The following PRKAR1A variants were observed in gnomAD, a reference collection of about 807,000 sequenced individuals.
The protein encoded by PRKAR1A is cAMP-dependent protein kinase type I-alpha regulatory subunit.
PRKAR1A carries 3 observed loss-of-function variants against 52.0 expected under a neutral mutation model. The ratio of observed to expected loss-of-function variants is 0.06; its 90% confidence interval spans 0.03 to 0.15. PRKAR1A has a LOEUF of 0.15. Ranked by LOEUF, PRKAR1A falls within the 10% of genes least tolerant of loss-of-function variation. PRKAR1A has a pLI of 1.00. For synonymous variants in PRKAR1A, 188 were observed against 168.4 expected (o/e 1.12, Z -0.90); for missense variants, 240 against 477.4 (o/e 0.50, Z 4.63).
chr17:68,530,636 C>T lies in PRKAR1A; in HGVS notation c.*187C>T, dbSNP rs2085949436. The stretch of plus-strand genomic sequence containing the variant: ...GGAGCATTAACTAAATGCTCATACA[C>T]AGTTAAATAAATAGAAAGAGTTCTA... On this transcript the variant is annotated 3_prime_UTR_variant, in exon 11 of 11. Coordinates refer to ENST00000589228, the MANE Select transcript of PRKAR1A (RefSeq NM_002734.5). 6.7e-7 allele frequency: 1 copy of T among 1,498,438 alleles called. No individual in the cohort carries two copies. Among genetic ancestry groups the T allele is most frequent in the Non-Finnish European group, 8.9e-7 (1 of 1,126,850 alleles). The allele number at this position is 1,498,438 out of a possible 1,614,324, so 92.8% of individuals were successfully genotyped here.
At chr17:68,466,293 A>C in the PRKAR1A span, among the ~76,000 whole-genome samples, 2 of 151,536 alleles carry the variant, frequency 1.3e-5, no homozygotes, top group Non-Finnish European at 2.9e-5. Context: ...GGCCCTTGTG[A>C]TTGATGCCTA....
chr17:68,538,063 AAGG>A (rs2086147053), downstream of PRKAR1A, among the ~76,000 whole-genome samples: 1 of 152,222 alleles, frequency 6.6e-6, no homozygotes, highest in African/African-American at 2.4e-5. Flanking sequence ...AGGATTTTTC[AAGG>A]AGATTTAAAG....
Position 68,532,744 on chromosome 17 carries a change from A to G in PRKAR1A, c.*2295A>G, listed in dbSNP as rs2086011250. On this transcript the variant is annotated 3_prime_UTR_variant, in exon 11 of 11. Coordinates refer to ENST00000589228, the MANE Select transcript of PRKAR1A (RefSeq NM_002734.5). The stretch of plus-strand genomic sequence containing the variant: ...CTTAATGGTAGGTCAAGTAATAAAA[A>G]GAGATGAAATAATTTAAATTCTTAA... The G allele has an allele frequency of 9.4e-7, 1 of 1,066,080 alleles. No individual in the cohort carries two copies. Among genetic ancestry groups the G allele is most frequent in the Non-Finnish European group, 1.1e-6 (1 of 879,514 alleles). 66.0% of individuals were successfully genotyped at this position (1,066,080 alleles called of 1,614,324 possible). A position where few individuals can be genotyped will look rare whatever the true frequency, so the allele number is the denominator to read the frequency against.
At chr17:68,495,929 C>T in the PRKAR1A span, among the ~76,000 whole-genome samples, 2 of 141,486 alleles carry the variant, frequency 1.4e-5, no homozygotes, top group East Asian at 2.1e-4. Context: ...TCCCTCTCTG[C>T]GTTTCCTTTC....
At chr17:68,428,228 G>A in the PRKAR1A span, 1 of 135,968 alleles carries the variant, frequency 7.4e-6, no homozygotes, top group African/African-American at 2.7e-5. Flanking sequence ...CAGGGAATAG[G>A]TTTTTTTTTT....
chr17:68,465,625 A>ATTTTTTTTTTTTTTT, the PRKAR1A span, among the ~76,000 whole-genome samples: 570 of 67,160 alleles, frequency 8.5e-3, 65 homozygotes, highest in Non-Finnish European at 0.011. Context: ...ACGCCCAGCA[A>ATTTTTTTTTTTTTTT]TTTTTTTTTT....
intron 2 of PRKAR1A, among the ~76,000 whole-genome samples, chr17:68,516,798 TG>T (rs1295622430): frequency 1.3e-5 from 2 of 152,180 alleles, no homozygotes; most frequent in Non-Finnish European, 2.9e-5. Context: ...GTAGATATTC[TG>T]GCTTTCTCTT....
chr17:68,515,473 A>G lies in PRKAR1A; in HGVS notation c.74A>G (p.His25Arg). The change falls in exon 2 of 11, where the codon CAT (histidine) becomes CGT (arginine). Residue 25 changes from histidine (H) to arginine (R), a missense_variant. Around this residue, in one of 4 missense-constraint regions of PRKAR1A, gnomAD observed 107 missense variants for 114.6 expected, o/e 0.93. Coordinates refer to ENST00000589228, the MANE Select transcript of PRKAR1A (RefSeq NM_002734.5). Reference protein sequence around the residue: ...LRECELYVQKHNIQALLKDSI... With the variant: ...LRECELYVQKRNIQALLKDSI... ...GAATGTGAGCTCTACGTCCAGAAGC[A>G]TAACATTCAAGCGCTGCTCAAAGAT... 1 of 1,613,718 alleles carries G rather than the reference A, an allele frequency of 6.2e-7. No individual in the cohort carries two copies. Among genetic ancestry groups the G allele is most frequent in the Non-Finnish European group, 8.5e-7 (1 of 1,180,048 alleles).
In PRKAR1A at chr17:68,512,550, TGAGTGGGGTCGGCCGGGGGCTCAGGC is replaced by T. The variant is rs1161571185; in HGVS notation, c.-7+6_-7+31del. ...GCGCCCGCCGCCGCCCGTCCCCAGG[TGAGTGGGGTCGGCCGGGGGCTCAGGC>T]GAGGTGAGCTTCGTCGCTTCGCAGC... On this transcript the variant is annotated splice_donor_5th_base_variant and intron_variant, in intron 1 of 10. Coordinates refer to ENST00000589228, the MANE Select transcript of PRKAR1A (RefSeq NM_002734.5). The T allele has an allele frequency of 2.6e-5, 4 of 153,738 alleles. No individual in the cohort carries two copies. The highest frequency in any genetic ancestry group is 9.7e-5 in the African/African-American group (4 of 41,398). 9.5% of individuals were successfully genotyped at this position (153,738 alleles called of 1,614,324 possible).
the PRKAR1A span, among the ~76,000 whole-genome samples, chr17:68,481,186 T>A: frequency 2.6e-5 from 4 of 152,212 alleles, no homozygotes; most frequent in Non-Finnish European, 4.4e-5. Flanking sequence ...AAAGCTTAGT[T>A]ACGCATTAAA....
downstream of PRKAR1A, chr17:68,535,099 A>G (rs2086064523): frequency 2.8e-6 from 1 of 362,048 alleles, no homozygotes; most frequent in African/African-American, 2.1e-5. Flanking sequence ...TGCTGTCAGT[A>G]GTAACTTGAA....
At chr17:68,487,172 T>A in the PRKAR1A span, among the ~76,000 whole-genome samples, 1 of 152,096 alleles carries the variant, frequency 6.6e-6, no homozygotes, top group African/African-American at 2.4e-5. Flanking sequence ...GCGCCCGGCC[T>A]GTTATGTGAA....
the PRKAR1A span, among the ~76,000 whole-genome samples, chr17:68,457,959 C>T: frequency 2.6e-5 from 4 of 152,122 alleles, no homozygotes; most frequent in African/African-American, 9.7e-5. Context: ...TCGGGGCCGC[C>T]GCAAGGGTGA....
At chr17:68,420,296 GGTGGTGCGGAGTACCAGGCT>G in the PRKAR1A span, 1 of 1,614,132 alleles carries the variant, frequency 6.2e-7, no homozygotes, top group Non-Finnish European at 8.5e-7. Flanking sequence ...CCTAGAAAGA[GGTGGTGCGGAGTACCAGGCT>G]GTGCTGCCCG....
the PRKAR1A span, among the ~76,000 whole-genome samples, chr17:68,502,755 GAAAAA>G: frequency 4.4e-4 from 38 of 86,292 alleles, no homozygotes; most frequent in East Asian, 7.8e-4. Flanking sequence ...TTCATCTCAG[GAAAAA>G]AAAAAAAAAA....
At chr17:68,467,499 T>C in the PRKAR1A span, among the ~76,000 whole-genome samples, 1 of 152,214 alleles carries the variant, frequency 6.6e-6, no homozygotes, top group Non-Finnish European at 1.5e-5. Flanking sequence ...ACTAAAGTTT[T>C]ATGAGATGCC....
At chr17:68,509,505 T>G (rs1356582118), upstream of PRKAR1A, among the ~76,000 whole-genome samples, 2 of 152,196 alleles carry the variant, frequency 1.3e-5, no homozygotes, top group Admixed American at 6.5e-5. Flanking sequence ...GAAACATATT[T>G]TTAAACTGAG....
downstream of PRKAR1A, chr17:68,536,785 T>C: frequency 8.8e-6 from 4 of 454,122 alleles, no homozygotes; most frequent in Admixed American, 9.4e-5. Context: ...CTGCTTAGTG[T>C]GACATATTTG....
the PRKAR1A span, among the ~76,000 whole-genome samples, chr17:68,478,213 G>C: frequency 6.6e-6 from 1 of 152,178 alleles, no homozygotes; most frequent in African/African-American, 2.4e-5. Flanking sequence ...CAGCACTTTG[G>C]GGGGCCGAGG....
Sources: allele counts gnomAD v4.1 joint callset (sites outside exome capture counted in the v4.1 genomes callset), GRCh38; gene constraint gnomAD v4.1.1; regional missense constraint gnomAD v4.1.1; transcripts MANE v1.5; gene names NCBI Gene and HGNC (gene_info 2026-07-23, HGNC 2026-07-21).